Variants in THSD4 observed in about 807,000 individuals in gnomAD.
The protein encoded by THSD4 is thrombospondin type-1 domain-containing protein 4.
In THSD4, 69 loss-of-function variants were observed where a neutral mutation model predicts 119.0. That is an observed-to-expected ratio of 0.58 (90% confidence interval 0.48 to 0.71). The LOEUF is 0.71. Among genes scored for constraint, THSD4 ranks in the 30% least tolerant of loss-of-function variants. THSD4 has a pLI of 0.00. For synonymous variants in THSD4, 524 were observed against 540.4 expected (o/e 0.97, Z 0.42); for missense variants, 1,393 against 1,391.1 (o/e 1.00, Z -0.02).
At chr15:71,125,250 A>G (rs1043231715) in intron 1 of THSD4, among the ~76,000 whole-genome samples, 5 of 152,224 alleles carry the variant, frequency 3.3e-5, no homozygotes, top group Non-Finnish European at 7.3e-5. Context: ...CTGACTCCCA[A>G]CAGCCTGCTG....
In THSD4 at chr15:71,747,025, C is replaced by G; in HGVS notation, c.2224C>G (p.Arg742Gly). ...CAAGATCTGCAGCGAGTGGCAGATC[C>G]GGACCGACTGGACCTCGGTACGCAG... The part of the protein sequence containing the change: ...QLKICSEWQI[R>G]TDWTSCSVPC... Residue 742 changes from arginine (R) to glycine (G), a missense_variant, in exon 13 of 18, where the codon CGG (arginine) becomes GGG (glycine). By Grantham distance (125) the Arg-to-Gly change is moderately radical. Transcript: ENST00000261862. 1 of 1,609,936 alleles carries G rather than the reference C, an allele frequency of 6.2e-7. No homozygotes were observed. Among genetic ancestry groups the G allele is most frequent in the African/African-American group, 1.3e-5 (1 of 75,018 alleles).
intron 6 of THSD4, among the ~76,000 whole-genome samples, chr15:71,402,553 A>G (rs1340539348): frequency 1.3e-5 from 2 of 152,156 alleles, no homozygotes; most frequent in African/African-American, 2.4e-5. Flanking sequence ...CAGTCACACC[A>G]AGGCCTCAGC....
chr15:71,381,142 A>G (rs1249496854), intron 6 of THSD4, among the ~76,000 whole-genome samples: 1 of 152,110 alleles, frequency 6.6e-6, no homozygotes, highest in East Asian at 1.9e-4. Context: ...CTACTGCTTG[A>G]TGAGTTACAG....
chr15:71,103,959 C>G (rs1297801286), intron 1 of THSD4, among the ~76,000 whole-genome samples: 3 of 152,178 alleles, frequency 2.0e-5, no homozygotes, highest in African/African-American at 2.4e-5. Context: ...AAAAAATTCA[C>G]TACTGATTTA....
chr15:71,602,276 A>G (rs895759105), intron 7 of THSD4, among the ~76,000 whole-genome samples: 1 of 152,034 alleles, frequency 6.6e-6, no homozygotes, highest in African/African-American at 2.4e-5. Flanking sequence ...GGTCTCGGCC[A>G]GGCGCAGTGG....
chr15:71,467,846 T>G (rs547813831), intron 7 of THSD4, among the ~76,000 whole-genome samples: 45 of 322 alleles, frequency 0.14, 1 homozygote, highest in African/African-American at 0.28. Flanking sequence ...GATATGATGG[T>G]TTTTTTTTTT....
chr15:71,368,470 A>G (rs2140431227), intron 6 of THSD4, among the ~76,000 whole-genome samples: 1 of 152,326 alleles, frequency 6.6e-6, no homozygotes, highest in African/African-American at 2.4e-5. Flanking sequence ...TATAAGGTGT[A>G]AGGAAGGGAT....
At chr15:71,530,234 A>G (rs983874568) in intron 7 of THSD4, among the ~76,000 whole-genome samples, 12 of 152,196 alleles carry the variant, frequency 7.9e-5, no homozygotes, top group Admixed American at 2.0e-4. Context: ...GCCGAATGGC[A>G]GTTACAGCAG....
chr15:71,542,730 A>G (rs1042742211), intron 7 of THSD4, among the ~76,000 whole-genome samples: 20 of 152,104 alleles, frequency 1.3e-4, no homozygotes, highest in African/African-American at 4.3e-4. Flanking sequence ...ACAAAAGATT[A>G]GCTGGGTATG....
At chr15:71,322,887 A>G (rs1371674045) in intron 6 of THSD4, among the ~76,000 whole-genome samples, 1 of 152,096 alleles carries the variant, frequency 6.6e-6, no homozygotes, top group Non-Finnish European at 1.5e-5. Flanking sequence ...ACTTGAGCCC[A>G]GGAGTTCAAG....
intron 5 of THSD4, among the ~76,000 whole-genome samples, chr15:71,244,664 C>CGTG (rs2044183734): frequency 6.6e-6 from 1 of 152,126 alleles, no homozygotes; most frequent in South Asian, 2.1e-4. Context: ...ACAGAAAAGT[C>CGTG]GTGGTATCTA....
intron 7 of THSD4, among the ~76,000 whole-genome samples, chr15:71,451,929 C>T (rs943837286): frequency 2.0e-4 from 30 of 152,140 alleles, no homozygotes; most frequent in African/African-American, 6.5e-4. Context: ...CCTATGTCCT[C>T]GCTGCATCTG....
At position 71,757,936 on chromosome 15, in the gene THSD4, G is replaced by A. The variant is rs763120009; in HGVS notation, c.2450G>A (p.Arg817His). The change falls in exon 15 of 18, where the codon CGC (arginine) becomes CAC (histidine). Residue 817 changes from arginine (R) to histidine (H), a missense_variant. Physicochemically the swap from Arg to His is conservative, Grantham distance 29 (BLOSUM62 0). Transcript: ENST00000261862. ...GAGTGTGGGGCCGGAGTGCGGACAC[G>A]CTCGGTGGTGTGCATGACCAACCAT... Reference protein sequence around the residue: ...SAECGAGVRTRSVVCMTNHVS... With the variant: ...SAECGAGVRTHSVVCMTNHVS... 7 of 1,613,710 alleles carry A rather than the reference G, an allele frequency of 4.3e-6. No homozygotes were observed. In the Admixed American group the frequency reaches 5.0e-5, roughly 12 times the overall value.
chr15:71,254,681 C>T (rs982119895), intron 5 of THSD4, among the ~76,000 whole-genome samples: 1 of 152,196 alleles, frequency 6.6e-6, no homozygotes, highest in African/African-American at 2.4e-5. Context: ...CTGGCTCAGG[C>T]CAAAGGCATG....
At chr15:71,136,918 C>T (rs1266717113) in intron 1 of THSD4, among the ~76,000 whole-genome samples, 1 of 152,102 alleles carries the variant, frequency 6.6e-6, no homozygotes, top group Non-Finnish European at 1.5e-5. Context: ...AATCCTTTTC[C>T]ACCCTTAGTT....
chr15:71,634,676 G>A (rs1029010092), intron 7 of THSD4, among the ~76,000 whole-genome samples: 3 of 152,142 alleles, frequency 2.0e-5, no homozygotes, highest in Non-Finnish European at 4.4e-5. Context: ...AAGAAAGGTC[G>A]GTCAGAAATG....
chr15:71,603,337 G>T (rs1390894989), intron 7 of THSD4, among the ~76,000 whole-genome samples: 1 of 152,148 alleles, frequency 6.6e-6, no homozygotes, highest in African/African-American at 2.4e-5. Context: ...TGAACACCAG[G>T]TCACCACACA....
At chr15:71,391,946 C>T (rs182307506) in intron 6 of THSD4, among the ~76,000 whole-genome samples, 146 of 152,326 alleles carry the variant, frequency 9.6e-4, no homozygotes, top group Non-Finnish European at 1.5e-3. Flanking sequence ...GATTTGGCTA[C>T]TGAGCAGCTG....
At chr15:71,467,279 G>A (rs996848364) in intron 7 of THSD4, among the ~76,000 whole-genome samples, 2 of 152,144 alleles carry the variant, frequency 1.3e-5, no homozygotes, top group Admixed American at 1.3e-4. Flanking sequence ...GTTCACGGCT[G>A]AGCACTCCAT....
Sources: gnomAD v4.1 joint callset for allele counts (sites outside exome capture counted in the v4.1 genomes callset) on GRCh38, gnomAD v4.1.1 for gene constraint, MANE v1.5 for transcripts, NCBI Gene and HGNC (gene_info 2026-07-23, HGNC 2026-07-21) for gene names.